Variants in ARB2A observed in about 807,000 individuals in gnomAD.
ARB2A encodes ARB2 cotranscriptional regulator A, also known as cotranscriptional regulator ARB2A.
the ARB2A span, among the ~76,000 whole-genome samples, chr5:93,788,992 C>T: frequency 1.3e-5 from 2 of 152,144 alleles, no homozygotes; most frequent in Non-Finnish European, 2.9e-5. Context: ...ATAATTACTT[C>T]TTATATTTTA....
the ARB2A span, among the ~76,000 whole-genome samples, chr5:94,005,720 C>G: frequency 6.6e-6 from 1 of 151,958 alleles, no homozygotes; most frequent in Non-Finnish European, 1.5e-5. Flanking sequence ...AGAAAACAGC[C>G]AAAAGACATT....
At chr5:93,810,457 C>T in the ARB2A span, among the ~76,000 whole-genome samples, 1 of 152,036 alleles carries the variant, frequency 6.6e-6, no homozygotes, top group African/African-American at 2.4e-5. Context: ...GGATAGAGTA[C>T]AGTGGTCCAA....
the ARB2A span, chr5:94,056,031 G>T: frequency 1.6e-6 from 1 of 634,000 alleles, no homozygotes; most frequent in Non-Finnish European, 2.0e-6. Flanking sequence ...CTGTCTTTCA[G>T]ACAAGAAAAT....
the ARB2A span, among the ~76,000 whole-genome samples, chr5:94,046,491 C>T: frequency 6.6e-6 from 1 of 152,130 alleles, no homozygotes; most frequent in South Asian, 2.1e-4. Flanking sequence ...ACCAGGAGGG[C>T]ATGTGGAAAG....
chr5:93,960,084 C>A, the ARB2A span, among the ~76,000 whole-genome samples: 10 of 23,826 alleles, frequency 4.2e-4, no homozygotes, highest in African/African-American at 1.2e-3. Context: ...TCTAGATGCC[C>A]CCCCCCCCCC....
the ARB2A span, chr5:94,053,231 G>C: frequency 7.2e-7 from 1 of 1,383,534 alleles, no homozygotes; most frequent in Non-Finnish European, 1.0e-6. Flanking sequence ...AATAAATCTA[G>C]AAAAGAAATG....
At chr5:93,662,513 C>A in the ARB2A span, among the ~76,000 whole-genome samples, 77 of 152,274 alleles carry the variant, frequency 5.1e-4, no homozygotes. Flanking sequence ...GATACTTACA[C>A]TTAAATGTTA....
At chr5:93,657,507 G>T in the ARB2A span, among the ~76,000 whole-genome samples, 2 of 152,150 alleles carry the variant, frequency 1.3e-5, no homozygotes, top group African/African-American at 4.8e-5. Flanking sequence ...TCAGTACCTT[G>T]TGGTCTAAGT....
At chr5:93,645,785 A>C in the ARB2A span, among the ~76,000 whole-genome samples, 1 of 152,182 alleles carries the variant, frequency 6.6e-6, no homozygotes, top group South Asian at 2.1e-4. Context: ...CCACAATAAA[A>C]AATAATTCAC....
the ARB2A span, among the ~76,000 whole-genome samples, chr5:93,650,679 C>T: frequency 9.9e-5 from 15 of 151,956 alleles, no homozygotes; most frequent in Admixed American, 5.9e-4. Flanking sequence ...AGCAAATAAA[C>T]GGGATAAATG....
chr5:93,642,268 A>G, the ARB2A span, among the ~76,000 whole-genome samples: 15 of 149,974 alleles, frequency 1.0e-4, no homozygotes, highest in African/African-American at 3.4e-4. Context: ...TGACACTATC[A>G]TGGCTTACCC....
chr5:93,760,263 A>T, the ARB2A span, among the ~76,000 whole-genome samples: 795 of 152,324 alleles, frequency 5.2e-3, 5 homozygotes, highest in Non-Finnish European at 6.8e-3. Flanking sequence ...ACAGAAACCA[A>T]TGAAAACACA....
chr5:94,019,965 G>A, the ARB2A span, among the ~76,000 whole-genome samples: 11 of 152,186 alleles, frequency 7.2e-5, no homozygotes, highest in South Asian at 2.1e-4. Flanking sequence ...TACCTTCAGC[G>A]TATGTTTATT....
chr5:93,707,189 A>G, the ARB2A span, among the ~76,000 whole-genome samples: 1 of 152,220 alleles, frequency 6.6e-6, no homozygotes, highest in Admixed American at 6.5e-5. Context: ...GTTTTGCTTT[A>G]GAAGTGTTGT....
At chr5:94,039,858 C>A in the ARB2A span, among the ~76,000 whole-genome samples, 3 of 152,054 alleles carry the variant, frequency 2.0e-5, no homozygotes, top group Admixed American at 2.0e-4. Flanking sequence ...AGAGATGATA[C>A]TGAAGAACCA....
the ARB2A span, among the ~76,000 whole-genome samples, chr5:93,752,004 T>C: frequency 6.6e-6 from 1 of 152,018 alleles, no homozygotes; most frequent in African/African-American, 2.4e-5. Context: ...TGGGGGGATG[T>C]GATTCCATGG....
the ARB2A span, chr5:93,734,624 G>C: frequency 6.6e-6 from 1 of 152,146 alleles, no homozygotes; most frequent in Non-Finnish European, 1.5e-5. Flanking sequence ...CAGAATGACA[G>C]TGAAGATCTA....
the ARB2A span, among the ~76,000 whole-genome samples, chr5:93,938,003 C>A: frequency 6.6e-6 from 1 of 152,066 alleles, no homozygotes; most frequent in Admixed American, 6.6e-5. Flanking sequence ...ATAGTTGTGG[C>A]ACCCACAGAT....
At chr5:93,667,122 C>T in the ARB2A span, among the ~76,000 whole-genome samples, 3 of 152,054 alleles carry the variant, frequency 2.0e-5, no homozygotes, top group East Asian at 1.9e-4. Flanking sequence ...ATTCTTGCAG[C>T]GACAGGTTTC....
Sources: allele counts gnomAD v4.1 joint callset (sites outside exome capture counted in the v4.1 genomes callset), GRCh38; gene constraint gnomAD v4.1.1; transcripts MANE v1.5; gene names NCBI Gene and HGNC (gene_info 2026-07-23, HGNC 2026-07-21).